Variants in BTAF1 observed in about 807,000 individuals in gnomAD.
BTAF1 encodes TATA-binding protein-associated factor 172.
BTAF1 carries 38 observed loss-of-function variants against 227.1 expected under a neutral mutation model. The observed-to-expected ratio is 0.17, with a 90% CI of 0.13 to 0.22. The LOEUF (loss-of-function observed/expected upper bound fraction) is 0.22, where lower values mean the gene tolerates loss of function less well. BTAF1 is among the 10% of genes least tolerant of loss of function. The pLI, the probability that BTAF1 is intolerant of heterozygous loss-of-function variation, is 1.00. For missense variants in BTAF1, 1,598 were observed against 2,204.0 expected (o/e 0.73, Z 5.51); for synonymous variants, 742 against 751.9 (o/e 0.99, Z 0.21).
chr10:91,955,156 A>G (rs1330749730), intron 6 of BTAF1, among the ~76,000 whole-genome samples: 1 of 152,252 alleles, frequency 6.6e-6, no homozygotes, highest in African/African-American at 2.4e-5. Context: ...TTAAAAGTTA[A>G]CAGCTCATTA....
rs750131753 is a variant in BTAF1 at position 91,996,557 on chromosome 10, T to A, written c.3498T>A (p.Ile1166=). The change falls in exon 24 of 38, where the codon ATT becomes ATA. Residue 1166 remains isoleucine (I), a synonymous_variant. Coordinates refer to ENST00000265990, the MANE Select transcript of BTAF1 (RefSeq NM_003972.3). ...ACAGTGTCAAACAAGAGGGTGCAAT[T>A]GAAGCACTTGCCTGTATCCTTTTTC... ...IDDSVKQEGA[I]EALACVMEQL... is the part of the protein sequence containing the mutation. 21 of 1,614,150 alleles carry A rather than the reference T, an allele frequency of 1.3e-5. No individual in the cohort carries two copies. In the East Asian group the frequency reaches 4.7e-4, roughly 36 times the overall value.
At chr10:91,964,376 A>T (rs1846732450) in intron 13 of BTAF1, among the ~76,000 whole-genome samples, 175 bp downstream of exon 13, 1 of 152,156 alleles carries the variant, frequency 6.6e-6, no homozygotes. Context: ...CCATTCGGGC[A>T]GCAGCTTACA....
At chr10:92,012,456 C>T (rs1246482034) in intron 30 of BTAF1, among the ~76,000 whole-genome samples, 1 of 148,220 alleles carries the variant, frequency 6.7e-6, no homozygotes, top group Non-Finnish European at 1.5e-5. Context: ...AATTACAAGC[C>T]TTTCTAAATT....
chr10:91,941,360 T>C (rs532414206), intron 3 of BTAF1, among the ~76,000 whole-genome samples: 35 of 152,364 alleles, frequency 2.3e-4, no homozygotes, highest in African/African-American at 7.2e-4. Context: ...AAAATACTAA[T>C]AGAAATTCCT....
intron 4 of BTAF1, among the ~76,000 whole-genome samples, chr10:91,950,709 ATTTG>A (rs1436568877): frequency 2.0e-5 from 3 of 152,040 alleles, no homozygotes; most frequent in Admixed American, 6.6e-5. Flanking sequence ...TGGAGTAAGC[ATTTG>A]TTTGTTGAGC....
rs770670426 is a variant in BTAF1, at chr10:92,011,168, T to C, written c.4181+18T>C. On this transcript the variant is annotated intron_variant, in intron 29 of 37. Transcript: ENST00000265990. Reference sequence around the variant, plus strand: ...TTCTTTAGGTAAGAATTAATTTTTTTTTTAGAAAAATTAATATCAAATTTG... The same window carrying C: ...TTCTTTAGGTAAGAATTAATTTTTTCTTTAGAAAAATTAATATCAAATTTG... 9.6e-6 allele frequency: 15 copies of C among 1,557,768 alleles called. No individual in the cohort carries two copies. Among genetic ancestry groups the C allele is most frequent in the Non-Finnish European group, 1.3e-5 (15 of 1,152,464 alleles).
At chr10:91,943,579 TACTC>T (rs1487509511) in intron 4 of BTAF1, among the ~76,000 whole-genome samples, 2 of 152,218 alleles carry the variant, frequency 1.3e-5, no homozygotes, top group African/African-American at 2.4e-5. Flanking sequence ...AAATGTCAAA[TACTC>T]ATTTCATCTT....
chr10:91,947,710 T>G (rs1845466448), intron 4 of BTAF1, among the ~76,000 whole-genome samples: 1 of 147,218 alleles, frequency 6.8e-6, no homozygotes, highest in Admixed American at 6.8e-5. Flanking sequence ...CCATATGAAT[T>G]TTAGGACCAG....
In BTAF1 at chr10:91,964,426, A is replaced by G. The variant is rs562425149; in HGVS notation, c.1529+225A>G. Among the ~76,000 whole-genome samples the G allele has an allele frequency of 2.0e-5, 3 of 152,236 alleles. No individual in the cohort carries two copies. The South Asian group carries it at 6.2e-4, about 32-fold the overall frequency. On this transcript the variant is annotated intron_variant, in intron 13 of 37. Transcript: ENST00000265990. ...TTTACCCTTGAGATATTTCAGTTAT[A>G]TAATTCATCGTCTTGTTCGTCTTAT...
chr10:91,969,556 C>T (rs1055991810), intron 14 of BTAF1, among the ~76,000 whole-genome samples: 1 of 152,076 alleles, frequency 6.6e-6, no homozygotes, highest in Non-Finnish European at 1.5e-5. Context: ...TTGCTGTTGC[C>T]TAATTTTTAT....
At chr10:92,025,520 A>G (rs1172490433) in intron 35 of BTAF1, among the ~76,000 whole-genome samples, 1 of 151,942 alleles carries the variant, frequency 6.6e-6, no homozygotes, top group Non-Finnish European at 1.5e-5. Flanking sequence ...TTTAACAAGC[A>G]TCCCAGCTGA....
Position 91,991,275 on chromosome 10 carries a change from T to TAA in BTAF1, c.2855-843_2855-842insAA, listed in dbSNP as rs1174946411. ...AAATATATAAATATAAATATAAATATATATATATATATATATAAATTATCC... is the reference window on the plus strand; with the variant it reads ...AAATATATAAATATAAATATAAATATAAATATATATATATATATAAATTATCC... On this transcript the variant is annotated intron_variant, in intron 20 of 37. Transcript: ENST00000265990. Among the ~76,000 whole-genome samples the TAA allele has an allele frequency of 3.6e-4, 37 of 104,066 alleles. 1 individual carries two copies. The highest frequency in any genetic ancestry group is 6.3e-4 in the African/African-American group (23 of 36,360). The allele number at this position is 104,066 out of a possible 152,430, so 68.3% of individuals were successfully genotyped here. A position where few individuals can be genotyped will look rare whatever the true frequency, so the allele number is the denominator to read the frequency against.
chr10:91,953,305 C>CTA (rs1257467081), intron 5 of BTAF1, among the ~76,000 whole-genome samples: 2 of 152,224 alleles, frequency 1.3e-5, no homozygotes, highest in Middle Eastern at 3.4e-3. Flanking sequence ...CTAAGTTGGA[C>CTA]TATAGCATGC....
At chr10:92,024,633 A>G in intron 34 of BTAF1, 123 bp from the exon 35 acceptor site, 1 of 821,166 alleles carries the variant, frequency 1.2e-6, no homozygotes, top group Admixed American at 2.8e-5. Flanking sequence ...CCAAAGTGCT[A>G]ATCTGCTTTC....
intron 14 of BTAF1, among the ~76,000 whole-genome samples, chr10:91,975,045 C>T (rs1175571716): frequency 2.6e-5 from 4 of 152,236 alleles, no homozygotes; most frequent in African/African-American, 7.2e-5. Flanking sequence ...TATCAGTGAA[C>T]TACTGAAATA....
At position 91,951,578 on chromosome 10, in the gene BTAF1, G is replaced by C; in HGVS notation, c.564+12G>C. The C allele has an allele frequency of 6.4e-7, 1 of 1,569,814 alleles. No homozygotes were observed. The highest frequency in any genetic ancestry group is 8.6e-7 in the Non-Finnish European group (1 of 1,163,820). ...TTAACAAACAACCTGTAGGTAAAAC[G>C]TTTGGTTATTTGATTGCAAGTAATA... On this transcript the variant is annotated intron_variant, in intron 5 of 37. Transcript: ENST00000265990.
At chr10:91,930,741 T>G (rs1447130427) in intron 1 of BTAF1, among the ~76,000 whole-genome samples, 3 of 152,242 alleles carry the variant, frequency 2.0e-5, no homozygotes, top group Non-Finnish European at 2.9e-5. Flanking sequence ...GGTCATTATC[T>G]TTCCTTACTT....
rs774391498 is a variant in BTAF1 at position 92,024,735 on chromosome 10, T to TTTTTGTTTTG, written c.4864-17_4864-16insGTTTTGTTTT. 5.1e-6 allele frequency: 8 copies of TTTTTGTTTTG among 1,564,060 alleles called. No individual in the cohort carries two copies. In the Admixed American group the frequency reaches 5.9e-5, roughly 12 times the overall value. ...GCTTTTATTGAACGCTTATGTAGTTTTTTTTTTTTTTCTTCCTAAGTTGCT... is the reference window on the plus strand; with the variant it reads ...GCTTTTATTGAACGCTTATGTAGTTTTTTTGTTTTGTTTTTTTTTTTCTTCCTAAGTTGCT... On this transcript the variant is annotated intron_variant, in intron 34 of 37. Coordinates refer to ENST00000265990, the MANE Select transcript of BTAF1 (RefSeq NM_003972.3).
intron 14 of BTAF1, among the ~76,000 whole-genome samples, chr10:91,976,739 G>A (rs1284993682): frequency 1.3e-5 from 2 of 152,154 alleles, no homozygotes; most frequent in African/African-American, 4.8e-5. Context: ...CTTACGATAC[G>A]AATTTGGATT....
Sources: allele counts gnomAD v4.1 joint callset (sites outside exome capture counted in the v4.1 genomes callset), GRCh38; gene constraint gnomAD v4.1.1; transcripts MANE v1.5; gene names NCBI Gene and HGNC (gene_info 2026-07-23, HGNC 2026-07-21).